The following MICU2 variants were observed in gnomAD, a reference collection of about 807,000 sequenced individuals.
MICU2 encodes the protein mitochondrial calcium uptake 2.
Under a neutral mutation model 60.4 loss-of-function variants are expected in MICU2, and 64 were observed. That is an observed-to-expected ratio of 1.06 (90% CI 0.87 to 1.31). MICU2 has a LOEUF of 1.31. Ranked by LOEUF, MICU2 falls within the 50% of genes most tolerant of loss-of-function variation. MICU2 has a pLI of 0.00. For missense variants in MICU2, 569 were observed against 531.0 expected (o/e 1.07, Z -0.70); for synonymous variants, 201 against 175.0 (o/e 1.15, Z -1.17).
At chr13:21,566,564 ATTAAAAC>A (rs1056364530) in intron 2 of MICU2, among the ~76,000 whole-genome samples, 8 of 152,212 alleles carry the variant, frequency 5.3e-5, no homozygotes, top group Non-Finnish European at 1.2e-4. Flanking sequence ...TTTAGTAGCA[ATTAAAAC>A]TTAAACTATT....
At chr13:21,597,294 A>G (rs1044849272) in intron 1 of MICU2, among the ~76,000 whole-genome samples, 1 of 152,000 alleles carries the variant, frequency 6.6e-6, no homozygotes, top group Non-Finnish European at 1.5e-5. Context: ...AGCAGATAAG[A>G]GCGAAGTCTC....
In MICU2 at chr13:21,503,032, C is replaced by T; in HGVS notation, c.827G>A (p.Ser276Asn). Residue 276 changes from serine (S) to asparagine (N), a missense_variant, in exon 9 of 12, where the codon AGT (serine) becomes AAT (asparagine). Coordinates refer to ENST00000382374, the MANE Select transcript of MICU2 (RefSeq NM_152726.3). Reference protein sequence around the residue: ...MEFLQFSKGLSFMRKEDFAEW... With the variant: ...MEFLQFSKGLNFMRKEDFAEW... ...TGCAAAGTCTTCTTTTCTCATGAAACTCAAACCTTTAGAAAACTGAAGGAA... is the reference window on the plus strand; with the variant it reads ...TGCAAAGTCTTCTTTTCTCATGAAATTCAAACCTTTAGAAAACTGAAGGAA... The T allele has an allele frequency of 6.2e-7, 1 of 1,609,794 alleles. No homozygotes were observed. The highest frequency in any genetic ancestry group is 8.5e-7 in the Non-Finnish European group (1 of 1,178,648).
At position 21,503,100 on chromosome 13, in the gene MICU2, G is replaced by C. The variant is rs1213885464; in HGVS notation, c.762-3C>G. The C allele has an allele frequency of 1.3e-6, 2 of 1,584,038 alleles. No individual in the cohort carries two copies. Among genetic ancestry groups the C allele is most frequent in the East Asian group, 2.2e-5 (1 of 44,702 alleles). On this transcript the variant is annotated splice_region_variant and splice_polypyrimidine_tract_variant and intron_variant, in intron 8 of 11. Transcript: ENST00000382374. Reference sequence around the variant, plus strand: ...CTGTTTGTAAATTTTCCATAAATCTGAATGTTAAAATACAAAATTAGTAAG... The same window carrying C: ...CTGTTTGTAAATTTTCCATAAATCTCAATGTTAAAATACAAAATTAGTAAG...
chr13:21,546,993 T>G (rs1180126671), intron 2 of MICU2, among the ~76,000 whole-genome samples: 1 of 149,128 alleles, frequency 6.7e-6, no homozygotes, highest in Non-Finnish European at 1.5e-5. Context: ...TTCTTCCCTT[T>G]TTGCATTGGC....
chr13:21,571,398 T>TA (rs1304941952), intron 1 of MICU2, among the ~76,000 whole-genome samples: 14 of 151,756 alleles, frequency 9.2e-5, no homozygotes, highest in Admixed American at 1.3e-4. Context: ...ATTAAAATTT[T>TA]AAAAAAAATC....
At chr13:21,554,001 ACC>A (rs1268054043) in intron 2 of MICU2, among the ~76,000 whole-genome samples, 2 of 152,180 alleles carry the variant, frequency 1.3e-5, no homozygotes, top group African/African-American at 4.8e-5. Flanking sequence ...ATATATATGC[ACC>A]CAATACAGGA....
At chr13:21,533,156 C>G (rs748330997) in intron 4 of MICU2, among the ~76,000 whole-genome samples, 130 of 151,986 alleles carry the variant, frequency 8.6e-4, no homozygotes, top group Non-Finnish European at 1.4e-3. Flanking sequence ...GAGGTGAGTT[C>G]TTTCTTTCTT....
intron 1 of MICU2, among the ~76,000 whole-genome samples, chr13:21,591,734 C>A (rs1276535722): frequency 1.3e-5 from 2 of 152,162 alleles, no homozygotes; most frequent in Non-Finnish European, 2.9e-5. Flanking sequence ...CAAAACCACA[C>A]AATTTCATGG....
intron 8 of MICU2, among the ~76,000 whole-genome samples, chr13:21,508,720 G>A (rs1215818443): frequency 2.6e-5 from 4 of 151,954 alleles, no homozygotes; most frequent in African/African-American, 7.3e-5. Context: ...ATGCCTCTAC[G>A]TCTTTGCTCT....
intron 9 of MICU2, among the ~76,000 whole-genome samples, chr13:21,502,083 T>C (rs1868303255): frequency 1.3e-5 from 2 of 152,214 alleles, no homozygotes; most frequent in Admixed American, 6.5e-5. Context: ...TTCTATTCAA[T>C]AATAGGGGAT....
intron 2 of MICU2, among the ~76,000 whole-genome samples, chr13:21,554,081 T>C (rs1213699467): frequency 6.6e-6 from 1 of 152,176 alleles, no homozygotes; most frequent in Non-Finnish European, 1.5e-5. Flanking sequence ...ACAATAATAA[T>C]GGGAGACTTT....
At chr13:21,561,402 C>G (rs1887837084) in intron 2 of MICU2, among the ~76,000 whole-genome samples, 1 of 152,102 alleles carries the variant, frequency 6.6e-6, no homozygotes, top group African/African-American at 2.4e-5. Flanking sequence ...CTTGAAATCT[C>G]CAAGTATAAT....
intron 1 of MICU2, among the ~76,000 whole-genome samples, chr13:21,585,927 T>G (rs1483362271): frequency 6.6e-6 from 1 of 152,200 alleles, no homozygotes; most frequent in Non-Finnish European, 1.5e-5. Context: ...TTTAGAATTT[T>G]GACAATTTTT....
chr13:21,539,175 C>T, intron 4 of MICU2, 127 bp downstream of exon 4: 2 of 749,630 alleles, frequency 2.7e-6, no homozygotes, highest in Non-Finnish European at 4.3e-6. Context: ...GAAAAAGTTA[C>T]CTCCTTACTT....
At chr13:21,539,272 A>G (rs1377834805) in intron 4 of MICU2, 30 bp downstream of exon 4, 6 of 1,579,122 alleles carry the variant, frequency 3.8e-6, no homozygotes, top group Non-Finnish European at 5.2e-6. Context: ...AAAACACATA[A>G]CTAGAAATTT....
At chr13:21,558,850 A>G (rs1887769839) in intron 2 of MICU2, among the ~76,000 whole-genome samples, 1 of 152,140 alleles carries the variant, frequency 6.6e-6, no homozygotes, top group Non-Finnish European at 1.5e-5. Flanking sequence ...CCCACTTCTC[A>G]GCTGCACTCC....
intron 2 of MICU2, among the ~76,000 whole-genome samples, chr13:21,560,750 T>TA (rs1346377036): frequency 2.0e-5 from 3 of 152,196 alleles, no homozygotes; most frequent in Non-Finnish European, 4.4e-5. Flanking sequence ...CAGGCCCAAT[T>TA]ATGCTTGTAG....
chr13:21,603,606 A>C, intron 1 of MICU2: 1 of 367,630 alleles, frequency 2.7e-6, no homozygotes, highest in East Asian at 5.3e-5. Flanking sequence ...GCGCAGTGAG[A>C]TTCTGAATTA....
intron 1 of MICU2, among the ~76,000 whole-genome samples, chr13:21,598,517 AC>A (rs1375121426): frequency 4.6e-5 from 7 of 152,114 alleles, no homozygotes; most frequent in African/African-American, 1.7e-4. Flanking sequence ...AGAGTTCGAG[AC>A]CAGCCTGACC....
Sources: allele counts gnomAD v4.1 joint callset (sites outside exome capture counted in the v4.1 genomes callset), GRCh38; gene constraint gnomAD v4.1.1; transcripts MANE v1.5; gene names NCBI Gene and HGNC (gene_info 2026-07-23, HGNC 2026-07-21).